Variants in CTNNA3 observed in about 807,000 individuals in gnomAD.
The protein encoded by CTNNA3 is catenin alpha-3.
A neutral mutation model predicts 95.7 loss-of-function variants in CTNNA3; 76 were observed. That is an observed-to-expected ratio of 0.79 (90% CI 0.66 to 0.96). The LOEUF is 0.96. Among genes scored for constraint, CTNNA3 ranks in the 40% least tolerant of loss-of-function variants. The pLI, the probability that CTNNA3 is intolerant of heterozygous loss-of-function variation, is 0.00. For missense variants in CTNNA3, 1,191 were observed against 1,089.8 expected (o/e 1.09, Z -1.31); for synonymous variants, 431 against 374.4 (o/e 1.15, Z -1.74).
At chr10:66,500,167 C>A (rs1321366080) in intron 11 of CTNNA3, among the ~76,000 whole-genome samples, 1 of 152,090 alleles carries the variant, frequency 6.6e-6, no homozygotes, top group Non-Finnish European at 1.5e-5. Context: ...ACAAAACTCA[C>A]ACATACACTA....
intron 13 of CTNNA3, among the ~76,000 whole-genome samples, chr10:66,271,453 C>A (rs2091279608): frequency 6.6e-6 from 1 of 152,076 alleles, no homozygotes; most frequent in Non-Finnish European, 1.5e-5. Flanking sequence ...ATAAAACTTA[C>A]TAGATTGAAT....
chr10:66,093,897 T>C (rs756527841), intron 14 of CTNNA3, among the ~76,000 whole-genome samples: 1 of 152,140 alleles, frequency 6.6e-6, no homozygotes, highest in South Asian at 2.1e-4. Flanking sequence ...GTGATTCACA[T>C]ATGAATCTCC....
intron 7 of CTNNA3, among the ~76,000 whole-genome samples, chr10:67,104,993 T>C (rs1008261920): frequency 1.3e-5 from 2 of 152,040 alleles, no homozygotes; most frequent in African/African-American, 4.8e-5. Flanking sequence ...ACAACAAAGA[T>C]GCTCCTGGTA....
chr10:66,946,194 C>T (rs1353119856), intron 7 of CTNNA3, among the ~76,000 whole-genome samples: 4 of 152,048 alleles, frequency 2.6e-5, no homozygotes, highest in African/African-American at 9.7e-5. Flanking sequence ...GGTGTGCCTG[C>T]ACTCTGTTGG....
chr10:66,800,925 A>G (rs1413267553), intron 7 of CTNNA3, among the ~76,000 whole-genome samples: 1 of 151,438 alleles, frequency 6.6e-6, no homozygotes, highest in Admixed American at 6.6e-5. Context: ...CGTAAGTCTT[A>G]TTTATGAAAA....
chr10:66,929,131 C>T (rs552278353), intron 7 of CTNNA3, among the ~76,000 whole-genome samples: 2 of 152,286 alleles, frequency 1.3e-5, no homozygotes, highest in African/African-American at 4.8e-5. Flanking sequence ...GAGGAGATGA[C>T]AAAAATGTAA....
chr10:66,984,314 T>C (rs1410443118), intron 7 of CTNNA3, among the ~76,000 whole-genome samples: 2 of 152,170 alleles, frequency 1.3e-5, no homozygotes, highest in African/African-American at 4.8e-5. Flanking sequence ...ACTAAGAGAA[T>C]ACCAAACATT....
chr10:66,430,146 A>G (rs1589238276), intron 11 of CTNNA3, among the ~76,000 whole-genome samples: 2 of 142,520 alleles, frequency 1.4e-5, no homozygotes, highest in Admixed American at 7.0e-5. Flanking sequence ...GTGAACTCCC[A>G]TTCACAATTG....
At chr10:66,036,576 G>A (rs1993846) in intron 15 of CTNNA3, among the ~76,000 whole-genome samples, 117,776 of 151,854 alleles carry the variant, frequency 0.78, 46,132 homozygotes, top group South Asian at 0.91. Flanking sequence ...GGGTTTTGCC[G>A]TATTGGCCAG....
intron 9 of CTNNA3, among the ~76,000 whole-genome samples, chr10:66,713,430 C>T (rs1049087604): frequency 6.6e-6 from 1 of 151,918 alleles, no homozygotes; most frequent in African/African-American, 2.4e-5. Context: ...TCCTGGCAGG[C>T]CTTTTTTTGT....
At chr10:66,361,791 G>A (rs56158177) in intron 12 of CTNNA3, among the ~76,000 whole-genome samples, 1 of 151,902 alleles carries the variant, frequency 6.6e-6, no homozygotes, top group Non-Finnish European at 1.5e-5. Flanking sequence ...TCCTTCCTCA[G>A]CCCCCCAAAG....
intron 15 of CTNNA3, among the ~76,000 whole-genome samples, chr10:66,041,400 T>G (rs137910148): frequency 1.5e-4 from 23 of 152,298 alleles, no homozygotes; most frequent in African/African-American, 5.1e-4. Context: ...AATAATAACA[T>G]TAATAGCACA....
chr10:67,676,030 T>C (rs1840528863), intron 1 of CTNNA3, among the ~76,000 whole-genome samples: 2 of 152,224 alleles, frequency 1.3e-5, no homozygotes, highest in Middle Eastern at 3.4e-3. Context: ...TATGCCTAAA[T>C]GTAAGATTAT....
chr10:67,659,523 A>G (rs1160766587), intron 1 of CTNNA3, among the ~76,000 whole-genome samples: 1 of 152,216 alleles, frequency 6.6e-6, no homozygotes, highest in Non-Finnish European at 1.5e-5. Flanking sequence ...CCCATCTTAT[A>G]TAAGCCCAGC....
intron 4 of CTNNA3, among the ~76,000 whole-genome samples, chr10:67,528,032 T>A (rs182758004): frequency 5.4e-4 from 83 of 152,318 alleles, no homozygotes; most frequent in Non-Finnish European, 1.0e-3. Context: ...TCATTAGGTA[T>A]CCACCTTACA....
intron 15 of CTNNA3, among the ~76,000 whole-genome samples, chr10:65,993,701 T>C (rs1248776144): frequency 6.6e-6 from 1 of 152,154 alleles, no homozygotes; most frequent in Non-Finnish European, 1.5e-5. Flanking sequence ...CTTTTGGTTT[T>C]GGTTTTTGTT....
intron 13 of CTNNA3, among the ~76,000 whole-genome samples, chr10:66,133,241 G>A (rs76389601): frequency 0.025 from 3,817 of 152,274 alleles, 73 homozygotes; most frequent in Non-Finnish European, 0.037. Flanking sequence ...CTAGCCATGT[G>A]CAGTGGCTAA....
intron 9 of CTNNA3, among the ~76,000 whole-genome samples, chr10:66,626,592 A>G (rs769370333): frequency 6.6e-6 from 1 of 152,152 alleles, no homozygotes; most frequent in Non-Finnish European, 1.5e-5. Flanking sequence ...GTTCTTCTTT[A>G]TAAGGAGATG....
rs552813782 is a variant in CTNNA3, at chr10:66,449,336, A to G, written c.1532-69984T>C. ...GAAATCTGTAATGTATGTAGATGCC[A>G]ACCAACAAAGAAACAAGATGGGAGA... On this transcript the variant is annotated intron_variant, in intron 11 of 17. Coordinates refer to ENST00000433211, the MANE Select transcript of CTNNA3 (RefSeq NM_013266.4). 3.9e-5 allele frequency among the ~76,000 whole-genome samples: 6 copies of G among 152,176 alleles called. No individual in the cohort carries two copies. In the East Asian group the frequency reaches 9.7e-4, roughly 25 times the overall value.
Sources: gnomAD v4.1 joint callset for allele counts (sites outside exome capture counted in the v4.1 genomes callset) on GRCh38, gnomAD v4.1.1 for gene constraint, MANE v1.5 for transcripts, NCBI Gene and HGNC (gene_info 2026-07-23, HGNC 2026-07-21) for gene names.